The following COL13A1 variants were observed in gnomAD, a reference collection of about 807,000 sequenced individuals.
COL13A1 encodes the protein collagen type XIII alpha 1 chain, also known as collagen alpha-1(XIII) chain.
COL13A1 carries 89 observed loss-of-function variants against 130.9 expected under a neutral mutation model. The ratio of observed to expected loss-of-function variants is 0.68; its 90% confidence interval spans 0.57 to 0.81. The LOEUF is 0.81. Ranked by LOEUF, COL13A1 falls within the 30% of genes least tolerant of loss-of-function variation. COL13A1 has a pLI of 0.00. For synonymous variants in COL13A1, 402 were observed against 341.6 expected (o/e 1.18, Z -1.95); for missense variants, 879 against 934.6 (o/e 0.94, Z 0.78).
intron 2 of COL13A1, among the ~76,000 whole-genome samples, chr10:69,848,453 C>T (rs1311302249): frequency 6.6e-6 from 1 of 152,162 alleles, no homozygotes; most frequent in Non-Finnish European, 1.5e-5. Context: ...TTAAAAGAAA[C>T]TTGCCTGGGG....
intron 15 of COL13A1, among the ~76,000 whole-genome samples, chr10:69,903,664 A>G (rs989485000): frequency 5.3e-5 from 8 of 152,254 alleles, no homozygotes; most frequent in Admixed American, 4.6e-4. Context: ...TGTTTTTCCC[A>G]TGTGGTAGAA....
chr10:69,876,598 G>A (rs764196016), intron 5 of COL13A1, among the ~76,000 whole-genome samples: 9 of 152,114 alleles, frequency 5.9e-5, no homozygotes, highest in African/African-American at 1.2e-4. Flanking sequence ...GTTTTCTTCC[G>A]TTCTCTAACT....
intron 38 of COL13A1, among the ~76,000 whole-genome samples, chr10:69,949,956 T>TTG (rs1224551006): frequency 1.4e-5 from 2 of 139,936 alleles, no homozygotes; most frequent in Non-Finnish European, 3.1e-5. Flanking sequence ...GTGCGTGTGT[T>TTG]TGTGTGTGCG....
At chr10:69,814,972 T>A (rs1346883517) in intron 1 of COL13A1, among the ~76,000 whole-genome samples, 1 of 152,244 alleles carries the variant, frequency 6.6e-6, no homozygotes, top group African/African-American at 2.4e-5. Context: ...ATATTAACTC[T>A]TGTTTAATAA....
rs1248732996 is a variant in COL13A1 at position 69,935,430 on chromosome 10, GT to G, written c.1770+40del. ...GCTTGTCAGTGGCCAGTCCACTAAT[GT>G]CCCCTCTCCACAGCAGTCACTGGGC... On this transcript the variant is annotated intron_variant, in intron 32 of 40. Coordinates refer to ENST00000645393, the MANE Select transcript of COL13A1 (RefSeq NM_001368882.1). 5.5e-6 allele frequency: 8 copies of G among 1,465,520 alleles called. No homozygotes were observed. In the East Asian group the frequency reaches 2.0e-4, roughly 37 times the overall value. The allele number at this position is 1,465,520 out of a possible 1,614,324, so 90.8% of individuals were successfully genotyped here.
intron 10 of COL13A1, among the ~76,000 whole-genome samples, chr10:69,890,220 G>A (rs1338963867): frequency 6.6e-6 from 1 of 152,182 alleles, no homozygotes; most frequent in Non-Finnish European, 1.5e-5. Flanking sequence ...TTCCAGAAGG[G>A]AATGAGGGGC....
chr10:69,918,481 C>T (rs936890737), intron 19 of COL13A1, among the ~76,000 whole-genome samples, 164 bp downstream of exon 19: 1 of 152,228 alleles, frequency 6.6e-6, no homozygotes, highest in Non-Finnish European at 1.5e-5. Flanking sequence ...AGGTGCATAA[C>T]CTTGAGCCAC....
chr10:69,802,868 G>T (rs1454355915), intron 1 of COL13A1, among the ~76,000 whole-genome samples, 151 bp downstream of exon 1: 1 of 152,248 alleles, frequency 6.6e-6, no homozygotes, highest in East Asian at 1.9e-4. Flanking sequence ...GACACGGACA[G>T]ACGCTGCCCT....
chr10:69,908,438 C>A (rs184827928), intron 17 of COL13A1, among the ~76,000 whole-genome samples: 259 of 152,336 alleles, frequency 1.7e-3, no homozygotes, highest in African/African-American at 5.9e-3. Flanking sequence ...ATCAGTTTTT[C>A]ATTAGCAGCA....
chr10:69,815,976 G>T (rs943356900), intron 1 of COL13A1, among the ~76,000 whole-genome samples: 1 of 151,776 alleles, frequency 6.6e-6, no homozygotes, highest in Admixed American at 6.6e-5. Flanking sequence ...GGTGAGGAAG[G>T]CCTAACAGCA....
At chr10:69,832,516 C>T (rs962355828) in intron 2 of COL13A1, among the ~76,000 whole-genome samples, 6 of 152,158 alleles carry the variant, frequency 3.9e-5, no homozygotes, top group South Asian at 2.1e-4. Flanking sequence ...AATGGTAGTG[C>T]GTCTGACTCC....
intron 2 of COL13A1, among the ~76,000 whole-genome samples, chr10:69,856,752 C>T (rs1856544492): frequency 6.6e-6 from 1 of 152,014 alleles, no homozygotes; most frequent in African/African-American, 2.4e-5. Flanking sequence ...GGGAAGGGCC[C>T]AAGGTGAGGG....
rs1277827691 is a variant in COL13A1, at chr10:69,859,343, G to C, written c.365-8455G>C. ...AAAAGCTCATCATTCAGAGATACAGGCCTGGTTGTCAAAGCAAGACCTATG... is the reference window on the plus strand; with the variant it reads ...AAAAGCTCATCATTCAGAGATACAGCCCTGGTTGTCAAAGCAAGACCTATG... On this transcript the variant is annotated intron_variant, in intron 2 of 40. Transcript: ENST00000645393. Among the ~76,000 whole-genome samples, 4 of 152,198 alleles carry C rather than the reference G, an allele frequency of 2.6e-5. No homozygotes were observed. The East Asian group carries it at 7.7e-4, about 29-fold the overall frequency.
At chr10:69,929,313 G>T (rs1242193425) in intron 28 of COL13A1, among the ~76,000 whole-genome samples, 1 of 151,814 alleles carries the variant, frequency 6.6e-6, no homozygotes, top group Non-Finnish European at 1.5e-5. Flanking sequence ...CGGCATCTGA[G>T]CCCCTCCCCA....
intron 13 of COL13A1, among the ~76,000 whole-genome samples, chr10:69,896,187 T>G (rs1471087683): frequency 1.3e-5 from 2 of 152,112 alleles, no homozygotes; most frequent in Non-Finnish European, 2.9e-5. Context: ...GGGTGGGGAT[T>G]TCAGGCTGAG....
chr10:69,845,641 G>C (rs1485802930), intron 2 of COL13A1, among the ~76,000 whole-genome samples: 1 of 152,098 alleles, frequency 6.6e-6, no homozygotes, highest in African/African-American at 2.4e-5. Flanking sequence ...TGCCTCCCTG[G>C]GAAACATTTC....
At chr10:69,901,862 C>T (rs920293825) in intron 14 of COL13A1, among the ~76,000 whole-genome samples, 2 of 152,166 alleles carry the variant, frequency 1.3e-5, no homozygotes, top group African/African-American at 2.4e-5. Context: ...GGTGGGAAGG[C>T]GGGCTCAGAG....
At chr10:69,843,852 C>T (rs770398565) in intron 2 of COL13A1, among the ~76,000 whole-genome samples, 1 of 152,220 alleles carries the variant, frequency 6.6e-6, no homozygotes, top group Non-Finnish European at 1.5e-5. Flanking sequence ...TAAAAAGGTG[C>T]TAGAGTTAGG....
At chr10:69,881,722 C>T (rs2060156935) in intron 7 of COL13A1, among the ~76,000 whole-genome samples, 1 of 152,206 alleles carries the variant, frequency 6.6e-6, no homozygotes, top group Non-Finnish European at 1.5e-5. Context: ...CCATAATGAC[C>T]ACGCTTAACA....
Sources: allele counts gnomAD v4.1 joint callset (sites outside exome capture counted in the v4.1 genomes callset), GRCh38; gene constraint gnomAD v4.1.1; transcripts MANE v1.5; gene names NCBI Gene and HGNC (gene_info 2026-07-23, HGNC 2026-07-21).